Variants in PLEKHG1 observed in about 807,000 individuals in gnomAD.
The protein encoded by PLEKHG1 is pleckstrin homology and RhoGEF domain containing G1, also known as pleckstrin homology domain-containing family G member 1.
PLEKHG1 carries 44 observed loss-of-function variants against 100.8 expected under a neutral mutation model. The observed-to-expected ratio is 0.44, with a 90% CI of 0.34 to 0.56. The LOEUF (loss-of-function observed/expected upper bound fraction) is 0.56, where lower values mean the gene tolerates loss of function less well. Among genes scored for constraint, PLEKHG1 ranks in the 20% least tolerant of loss-of-function variants. PLEKHG1 has a pLI of 0.01. For synonymous variants in PLEKHG1, 640 were observed against 662.5 expected (o/e 0.97, Z 0.52); for missense variants, 1,545 against 1,720.9 (o/e 0.90, Z 1.81).
intron 3 of PLEKHG1, among the ~76,000 whole-genome samples, chr6:150,775,462 C>CT (rs1784913106): frequency 1.3e-5 from 2 of 152,162 alleles, no homozygotes; most frequent in South Asian, 4.1e-4. Flanking sequence ...TCCTTCAACT[C>CT]TTTTCTTTAT....
At chr6:150,742,332 C>A (rs991171693) in intron 2 of PLEKHG1, among the ~76,000 whole-genome samples, 1 of 151,964 alleles carries the variant, frequency 6.6e-6, no homozygotes, top group Non-Finnish European at 1.5e-5. Context: ...TCGGGGAGGC[C>A]GAGGTGGGCG....
chr6:150,661,727 G>A (rs138867964), intron 3 of PLEKHG1, among the ~76,000 whole-genome samples: 3 of 152,248 alleles, frequency 2.0e-5, no homozygotes, highest in East Asian at 1.9e-4. Context: ...TTAGAGATAC[G>A]CCTATTAGCT....
chr6:150,673,560 C>T (rs1022029654), intron 3 of PLEKHG1, among the ~76,000 whole-genome samples: 1 of 152,184 alleles, frequency 6.6e-6, no homozygotes, highest in African/African-American at 2.4e-5. Flanking sequence ...AGCCAAAGCC[C>T]TTAATGAACT....
rs1776965466 is a variant in PLEKHG1 at position 150,831,979 on chromosome 6, A to G, written c.2868A>G (p.Gln956=). 5 of 1,613,606 alleles carry G rather than the reference A, an allele frequency of 3.1e-6. No homozygotes were observed. Among genetic ancestry groups the G allele is most frequent in the South Asian group, 1.1e-5 (1 of 90,988 alleles). Residue 956 remains glutamine, a synonymous_variant, in exon 15 of 16, where the codon CAA becomes CAG. Coordinates refer to ENST00000358517, the Ensembl canonical transcript of PLEKHG1. The surrounding 1 kb of genome is among the most constrained non-coding windows in gnomAD (Gnocchi z 4.1). ...ACCTGGCCAACAGTGGCCTGTCTCAAACAGACCCAGAAAACCCTGACCTGG... is the reference window on the plus strand; with the variant it reads ...ACCTGGCCAACAGTGGCCTGTCTCAGACAGACCCAGAAAACCCTGACCTGG...
At chr6:150,705,473 C>A (rs1433760783) in intron 3 of PLEKHG1, among the ~76,000 whole-genome samples, 1 of 152,248 alleles carries the variant, frequency 6.6e-6, no homozygotes, top group Non-Finnish European at 1.5e-5. Context: ...CCCACTCAAC[C>A]CTTGCCCCTC....
At chr6:150,762,399 A>C in intron 2 of PLEKHG1, among the ~76,000 whole-genome samples, 1 of 150,248 alleles carries the variant, frequency 6.7e-6, no homozygotes, top group African/African-American at 2.4e-5. Flanking sequence ...GGGTTTCGCC[A>C]TGTTGGCCAG....
intron 2 of PLEKHG1, among the ~76,000 whole-genome samples, chr6:150,760,407 G>A (rs77468495): frequency 1.3e-5 from 2 of 152,304 alleles, no homozygotes; most frequent in East Asian, 3.9e-4. Context: ...AGACAAAGTT[G>A]TAGGAAAGGA....
intron 3 of PLEKHG1, among the ~76,000 whole-genome samples, chr6:150,674,825 G>A (rs1427438271): frequency 6.6e-6 from 1 of 152,004 alleles, no homozygotes; most frequent in Non-Finnish European, 1.5e-5. Context: ...TGGGATTACA[G>A]GCACCTACCA....
intron 1 of PLEKHG1, among the ~76,000 whole-genome samples, chr6:150,633,874 G>A (rs890596477): frequency 4.6e-5 from 7 of 152,158 alleles, no homozygotes; most frequent in African/African-American, 1.7e-4. Flanking sequence ...CCGAGATGGA[G>A]AGTGCTGGTG....
intron 3 of PLEKHG1, among the ~76,000 whole-genome samples, chr6:150,656,759 C>T (rs1778984515): frequency 1.3e-5 from 2 of 152,064 alleles, no homozygotes; most frequent in African/African-American, 2.4e-5. Context: ...GAGAAGTGGC[C>T]AGCACAAACA....
chr6:150,836,669 T>C (rs953839983), intron 15 of PLEKHG1, among the ~76,000 whole-genome samples: 3 of 151,202 alleles, frequency 2.0e-5, no homozygotes, highest in African/African-American at 7.3e-5. Flanking sequence ...ATTTAAAAGT[T>C]AAAAATTTCC....
chr6:150,731,972 T>TC (rs1380396866), intron 1 of PLEKHG1, among the ~76,000 whole-genome samples: 1 of 139,134 alleles, frequency 7.2e-6, no homozygotes, highest in Non-Finnish European at 1.5e-5. Flanking sequence ...CTTTTTTTTT[T>TC]TTTTTTTGAG....
intron 3 of PLEKHG1, among the ~76,000 whole-genome samples, chr6:150,695,583 C>T (rs1320481832): frequency 6.6e-6 from 1 of 152,210 alleles, no homozygotes; most frequent in Admixed American, 6.5e-5. Flanking sequence ...ACTTGTGTAG[C>T]TTGCCTAAGC....
intron 3 of PLEKHG1, among the ~76,000 whole-genome samples, chr6:150,682,707 C>A (rs886423566): frequency 2.0e-5 from 3 of 152,186 alleles, no homozygotes; most frequent in Non-Finnish European, 2.9e-5. Context: ...GACCTTGCAC[C>A]TGCAGGAGGG....
At chr6:150,814,906 GA>G (rs1186995490) in intron 10 of PLEKHG1, among the ~76,000 whole-genome samples, 9 of 152,114 alleles carry the variant, frequency 5.9e-5, no homozygotes, top group Non-Finnish European at 1.0e-4. Flanking sequence ...TTTTAGTAGA[GA>G]TGAGGTTTCA....
At chr6:150,653,528 A>G (rs1445890279) in intron 3 of PLEKHG1, among the ~76,000 whole-genome samples, 2 of 152,138 alleles carry the variant, frequency 1.3e-5, no homozygotes, top group African/African-American at 4.8e-5. Flanking sequence ...GGATCGCTTG[A>G]GCCTAGGAGT....
At chr6:150,734,226 T>A in intron 2 of PLEKHG1, 134 bp downstream of exon 3, 1 of 884,238 alleles carries the variant, frequency 1.1e-6, no homozygotes, top group African/African-American at 1.7e-5. Context: ...GAGAGAGTAA[T>A]AAGAGAAACC....
chr6:150,758,289 A>G (rs1286656134), intron 2 of PLEKHG1, among the ~76,000 whole-genome samples: 1 of 152,116 alleles, frequency 6.6e-6, no homozygotes, highest in East Asian at 1.9e-4. Flanking sequence ...CCAACAGTGG[A>G]AAAGTGTTCC....
In PLEKHG1 at chr6:150,650,722, C is replaced by T. The variant is rs1562409847; in HGVS notation, c.-157-6C>T. On this transcript the variant is annotated splice_polypyrimidine_tract_variant and splice_region_variant and intron_variant, in intron 2 of 3. Transcript: ENST00000367326. ...AAAAGCAATTTATTTTTTGTTTTTA[C>T]TACAGGTGAAGACTGATGAGAAGAG... 6.6e-6 allele frequency: 1 copy of T among 152,116 alleles called. No homozygotes were observed. Among genetic ancestry groups the T allele is most frequent in the Non-Finnish European group, 1.5e-5 (1 of 68,006 alleles). The allele number at this position is 152,116 out of a possible 1,614,324, so 9.4% of individuals were successfully genotyped here. A position where few individuals can be genotyped will look rare whatever the true frequency, so the allele number is the denominator to read the frequency against.
Sources: gnomAD v4.1 joint callset for allele counts (sites outside exome capture counted in the v4.1 genomes callset) on GRCh38, gnomAD v4.1.1 for gene constraint, Gnocchi (gnomAD v3.1) non-coding constraint, MANE v1.5 for transcripts, NCBI Gene and HGNC (gene_info 2026-07-23, HGNC 2026-07-21) for gene names.